Variants in SLC13A5 observed in about 807,000 individuals in gnomAD.
SLC13A5 encodes the protein solute carrier family 13 member 5, also known as Na(+)/citrate cotransporter.
Under a neutral mutation model 56.5 loss-of-function variants are expected in SLC13A5, and 25 were observed. That is an observed-to-expected ratio of 0.44 (90% CI 0.32 to 0.62). The LOEUF (loss-of-function observed/expected upper bound fraction) is 0.62, where lower values mean the gene tolerates loss of function less well. SLC13A5 is among the 20% of genes least tolerant of loss of function. SLC13A5 has a pLI of 0.04. For missense variants in SLC13A5, 649 were observed against 737.8 expected (o/e 0.88, Z 1.39); for synonymous variants, 307 against 301.5 (o/e 1.02, Z -0.19).
chr17:6,697,568 C>G (rs1425077869), intron 6 of SLC13A5, among the ~76,000 whole-genome samples: 2 of 152,184 alleles, frequency 1.3e-5, no homozygotes, highest in African/African-American at 4.8e-5. Context: ...GGGTGGGGAC[C>G]ACAGAGTCCT....
chr17:6,704,098 C>A (rs762472717), intron 3 of SLC13A5, 42 bp from the exon 4 acceptor site: 1 of 1,577,248 alleles, frequency 6.3e-7, no homozygotes, highest in African/African-American at 1.3e-5. Flanking sequence ...GAATCCCCAC[C>A]CCACCCCCGT....
Position 6,703,112 on chromosome 17 carries a change from T to C in SLC13A5, c.574A>G (p.Thr192Ala). Residue 192 changes from threonine to alanine, a missense_variant, in exon 5 of 12, where the codon ACT becomes GCT. Physicochemically the swap from Thr to Ala is moderately conservative, Grantham distance 58. Coordinates refer to ENST00000433363, the MANE Select transcript of SLC13A5 (RefSeq NM_177550.5). ...TCTTGGTCTTCCTGCTGCCCCAGAG[T>C]GGGGCCTTCAAAAATCACTTGACTC... ...PGSQVIFEGPTLGQQEDQERK... is the reference protein window; with the variant it reads ...PGSQVIFEGPALGQQEDQERK... 1 of 1,613,986 alleles carries C rather than the reference T, an allele frequency of 6.2e-7. No homozygotes were observed. The highest frequency in any genetic ancestry group is 2.2e-5 in the East Asian group (1 of 44,856).
chr17:6,710,476 G>A (rs1269687584), intron 1 of SLC13A5, among the ~76,000 whole-genome samples: 1 of 152,268 alleles, frequency 6.6e-6, no homozygotes, highest in South Asian at 2.1e-4. Flanking sequence ...AGCAGTAGGT[G>A]GCGTGCGTCA....
At position 6,711,700 on chromosome 17, in the gene SLC13A5, T is replaced by A. The variant is rs190302838; in HGVS notation, c.102+1532A>T. Among the ~76,000 whole-genome samples, 84 of 151,534 alleles carry A rather than the reference T, an allele frequency of 5.5e-4. No homozygotes were observed. Among genetic ancestry groups the A allele is most frequent in the African/African-American group, 1.7e-3 (70 of 41,280 alleles). ...GTGTGTGTTTGTGAGTGTGTGTGTGTGAGAGAGAGAGTGTGTATGTGTGTG... is the reference window on the plus strand; with the variant it reads ...GTGTGTGTTTGTGAGTGTGTGTGTGAGAGAGAGAGAGTGTGTATGTGTGTG... On this transcript the variant is annotated intron_variant, in intron 1 of 11. Transcript: ENST00000433363. This position sits in a 1 kb window ranked among gnomAD's most constrained non-coding sequence, Gnocchi z 4.0.
Position 6,707,192 on chromosome 17 carries a change from G to A in SLC13A5, c.103-36C>T, listed in dbSNP as rs1303413319. 4 of 1,609,268 alleles carry A rather than the reference G, an allele frequency of 2.5e-6. No individual in the cohort carries two copies. In the East Asian group the frequency reaches 6.7e-5, roughly 27 times the overall value. ...AGTCCTGAGGCCTCAGCGTGTTGCC[G>A]CCTCCCTCTCCCCACCCCCAGAACA... On this transcript the variant is annotated intron_variant, in intron 1 of 11. Coordinates refer to ENST00000433363, the MANE Select transcript of SLC13A5 (RefSeq NM_177550.5).
At chr17:6,691,905 G>A (rs916539171) in intron 9 of SLC13A5, among the ~76,000 whole-genome samples, 19 of 152,078 alleles carry the variant, frequency 1.2e-4, no homozygotes, top group Non-Finnish European at 2.5e-4. Flanking sequence ...GTGGCTTCTG[G>A]TAGCCTTACC....
chr17:6,706,584 C>G (rs573053561), intron 3 of SLC13A5, 58 bp downstream of exon 3: 9 of 1,589,162 alleles, frequency 5.7e-6, no homozygotes, highest in Non-Finnish European at 7.7e-6. Flanking sequence ...TCCTCCACCC[C>G]CTTCCAGCCC....
At position 6,687,592 on chromosome 17, in the gene SLC13A5, C is replaced by A. The variant is rs2150961776; in HGVS notation, c.1512G>T (p.Leu504Phe). 2 of 1,613,834 alleles carry A rather than the reference C, an allele frequency of 1.2e-6. No individual in the cohort carries two copies. The highest frequency in any genetic ancestry group is 4.5e-5 in the East Asian group (2 of 44,882). ...TGGCATTTGGAGGGGTGGCCACAGG[C>A]AACATGAAGGCAAAGGAGGCACTCA... Reference protein sequence around the residue: ...CTLSASFAFMLPVATPPNAIV... With the variant: ...CTLSASFAFMFPVATPPNAIV... The change falls in exon 11 of 12, where the codon TTG becomes TTT. Residue 504 changes from leucine (L) to phenylalanine (F), a missense_variant. Leu to Phe is a conservative substitution (Grantham distance 22, BLOSUM62 0). Coordinates refer to ENST00000433363, the MANE Select transcript of SLC13A5 (RefSeq NM_177550.5). This position sits in a 1 kb window ranked among gnomAD's most constrained non-coding sequence, Gnocchi z 5.0.
At chr17:6,706,596 G>A (rs1438320627) in intron 3 of SLC13A5, 46 bp downstream of exon 3, 2 of 1,600,768 alleles carry the variant, frequency 1.2e-6, no homozygotes, top group Non-Finnish European at 1.7e-6. Flanking sequence ...TTCCAGCCCT[G>A]GGGCTCATGC....
intron 6 of SLC13A5, among the ~76,000 whole-genome samples, chr17:6,698,420 G>A (rs1024950708): frequency 2.6e-5 from 4 of 152,202 alleles, no homozygotes; most frequent in Non-Finnish European, 2.9e-5. Context: ...GTGCCCTTGC[G>A]GCCTCGGCGC....
intron 6 of SLC13A5, among the ~76,000 whole-genome samples, chr17:6,698,160 C>T (rs1047041839): frequency 1.3e-5 from 2 of 152,248 alleles, no homozygotes; most frequent in African/African-American, 4.8e-5. Flanking sequence ...TGAGCTACCC[C>T]GGCCAGCCAC....
At chr17:6,689,969 C>T (rs1225383632) in intron 10 of SLC13A5, 1 of 143,444 alleles carries the variant, frequency 7.0e-6, no homozygotes, top group Non-Finnish European at 1.5e-5. Context: ...GATCCCACAT[C>T]TTGAACTCGG....
intron 3 of SLC13A5, 40 bp downstream of exon 3, chr17:6,706,602 C>T (rs1295423484): frequency 6.2e-7 from 1 of 1,604,476 alleles, no homozygotes; most frequent in Non-Finnish European, 8.5e-7. Context: ...CCCTGGGGCT[C>T]ATGCAGAGCC....
intron 3 of SLC13A5, chr17:6,705,416 A>G (rs1973841136): frequency 6.6e-6 from 1 of 152,174 alleles, no homozygotes; most frequent in Non-Finnish European, 1.5e-5. Flanking sequence ...AGCATGCTGC[A>G]GAATGAAACC....
chr17:6,711,220 A>G lies in SLC13A5; in HGVS notation c.102+2012T>C, dbSNP rs1389144779. 1.3e-5 allele frequency among the ~76,000 whole-genome samples: 2 copies of G among 152,070 alleles called. No homozygotes were observed. The highest frequency in any genetic ancestry group is 4.8e-5 in the African/African-American group (2 of 41,400). On this transcript the variant is annotated intron_variant, in intron 1 of 11. Transcript: ENST00000433363. The surrounding 1 kb of genome is among the most constrained non-coding windows in gnomAD (Gnocchi z 4.0). Reference sequence around the variant, plus strand: ...CTGTGTACCCTCTGGGTTTCCTTGCACAATGGGGCGGCCATGGAGGGTGGG... The same window carrying G: ...CTGTGTACCCTCTGGGTTTCCTTGCGCAATGGGGCGGCCATGGAGGGTGGG...
At chr17:6,699,529 G>T (rs1481475653) in intron 6 of SLC13A5, among the ~76,000 whole-genome samples, 1 of 152,082 alleles carries the variant, frequency 6.6e-6, no homozygotes, top group Non-Finnish European at 1.5e-5. Context: ...GGAGTGCAGT[G>T]GCATGATCTT....
intron 3 of SLC13A5, chr17:6,704,479 C>A (rs1302847582): frequency 1.2e-5 from 4 of 342,196 alleles, no homozygotes; most frequent in African/African-American, 2.1e-5. Flanking sequence ...CCACTTCTGG[C>A]TAGGAAATTC....
Position 6,702,989 on chromosome 17 carries a change from G to A in SLC13A5, c.697C>T (p.Leu233Phe). 1 of 1,614,180 alleles carries A rather than the reference G, an allele frequency of 6.2e-7. No individual in the cohort carries two copies. Among genetic ancestry groups the A allele is most frequent in the Non-Finnish European group, 8.5e-7 (1 of 1,180,014 alleles). The change falls in exon 5 of 12, where the codon CTC (leucine) becomes TTC (phenylalanine). Residue 233 changes from leucine (L) to phenylalanine (F), a missense_variant. Transcript: ENST00000433363. Reference protein sequence around the residue: ...TLTGTGPNVVLLGQMNELFPD... With the variant: ...TLTGTGPNVVFLGQMNELFPD... ...ACTCACTCGTTCATCTGGCCCAGGAGCACCACGTTGGGTCCCGTCCCGGTC... is the reference window on the plus strand; with the variant it reads ...ACTCACTCGTTCATCTGGCCCAGGAACACCACGTTGGGTCCCGTCCCGGTC...
intron 10 of SLC13A5, chr17:6,688,325 G>A (rs1973305134): frequency 6.6e-6 from 1 of 152,172 alleles, no homozygotes; most frequent in Non-Finnish European, 1.5e-5. Context: ...CAACTCAATG[G>A]TCACTAATAG....
Sources: allele counts gnomAD v4.1 joint callset (sites outside exome capture counted in the v4.1 genomes callset), GRCh38; gene constraint gnomAD v4.1.1; non-coding constraint Gnocchi (gnomAD v3.1); transcripts MANE v1.5; gene names NCBI Gene and HGNC (gene_info 2026-07-23, HGNC 2026-07-21).